Variants in AKAP9 observed in about 807,000 individuals in gnomAD.
AKAP9 encodes A-kinase anchoring protein 9, also known as A-kinase anchor protein 9.
In AKAP9, 311 loss-of-function variants were observed where a neutral mutation model predicts 488.5. The ratio of observed to expected loss-of-function variants is 0.64; its 90% confidence interval spans 0.58 to 0.70. AKAP9 has a LOEUF of 0.70. Among genes scored for constraint, AKAP9 ranks in the 30% least tolerant of loss-of-function variants. The pLI is 0.00. For missense variants in AKAP9, 4,215 were observed against 4,374.5 expected (o/e 0.96, Z 1.03); for synonymous variants, 1,462 against 1,483.5 (o/e 0.99, Z 0.33).
At chr7:92,032,752 A>G (rs1804490338) in intron 16 of AKAP9, among the ~76,000 whole-genome samples, 1 of 152,174 alleles carries the variant, frequency 6.6e-6, no homozygotes, top group African/African-American at 2.4e-5. Flanking sequence ...GTGAAAAGTG[A>G]AACACTATCA....
rs1216908478 is a variant in AKAP9, at chr7:91,992,884, GGAA to G, written c.412_414del (p.Glu138del). 1.9e-6 allele frequency: 3 copies of G among 1,613,386 alleles called. No homozygotes were observed. The highest frequency in any genetic ancestry group is 2.5e-6 in the Non-Finnish European group (3 of 1,179,528). ...TTCTTTAAAATCTTGGATTGATTTA[GGAA>G]GAAGAATTTGGTGTTGATGATTCTT... On this transcript the variant is annotated inframe_deletion and splice_region_variant, in exon 5 of 50. Coordinates refer to ENST00000356239, the MANE Select transcript of AKAP9 (RefSeq NM_005751.5).
intron 1 of AKAP9, among the ~76,000 whole-genome samples, chr7:91,947,539 A>C (rs1023017618): frequency 2.0e-5 from 3 of 152,034 alleles, no homozygotes; most frequent in African/African-American, 2.4e-5. Context: ...ACAGGGTTTC[A>C]CCATATTGGC....
chr7:91,986,398 T>C (rs1256702407), intron 3 of AKAP9, among the ~76,000 whole-genome samples: 1 of 152,212 alleles, frequency 6.6e-6, no homozygotes, highest in Non-Finnish European at 1.5e-5. Context: ...CTCCATGGGC[T>C]GCACCCACTG....
chr7:92,018,435 C>CAT (rs758248531), intron 12 of AKAP9, among the ~76,000 whole-genome samples: 160 of 141,046 alleles, frequency 1.1e-3, no homozygotes, highest in East Asian at 5.4e-3. Context: ...CACACACACA[C>CAT]ACACACAGAG....
Position 92,107,608 on chromosome 7 carries a change from G to A in AKAP9, c.11546+186G>A, listed in dbSNP as rs7803265. 8,215 of 562,832 alleles carry A rather than the reference G, an allele frequency of 0.015. 351 individuals are homozygous for A. The highest frequency in any genetic ancestry group is 0.11 in the African/African-American group (6,029 of 52,940). 34.9% of individuals were successfully genotyped at this position (562,832 alleles called of 1,614,324 possible). A position where few individuals can be genotyped will look rare whatever the true frequency, so the allele number is the denominator to read the frequency against. Reference sequence around the variant, plus strand: ...TCCCAGCACTTTGGGAGGCTGAGGCGGGCAGATCATGAGGTCAGGAGTTCA... The same window carrying A: ...TCCCAGCACTTTGGGAGGCTGAGGCAGGCAGATCATGAGGTCAGGAGTTCA... On this transcript the variant is annotated intron_variant, in intron 48 of 49. Coordinates refer to ENST00000356239, the MANE Select transcript of AKAP9 (RefSeq NM_005751.5).
chr7:91,995,919 T>G lies in AKAP9; in HGVS notation c.930+119T>G, dbSNP rs1798347559. ...CACAAAATTTCATAATTAAGCTCTT[T>G]GTGTAATTTATTTCAAAAGCAAATG... is the stretch of plus-strand genomic sequence containing the variant. On this transcript the variant is annotated intron_variant, in intron 7 of 49. Transcript: ENST00000356239. 1.8e-5 allele frequency: 13 copies of G among 734,948 alleles called. 1 individual carries two copies. In the South Asian group the frequency reaches 2.1e-4, roughly 12 times the overall value. 45.5% of individuals were successfully genotyped at this position (734,948 alleles called of 1,614,324 possible). A position where few individuals can be genotyped will look rare whatever the true frequency, so the allele number is the denominator to read the frequency against.
At chr7:92,004,358 G>A (rs984346652) in intron 8 of AKAP9, among the ~76,000 whole-genome samples, 8 of 152,154 alleles carry the variant, frequency 5.3e-5, no homozygotes, top group Non-Finnish European at 1.0e-4. Context: ...TTTCTGTGAA[G>A]AAAGTCATTC....
At chr7:92,055,496 A>T (rs927839717) in intron 22 of AKAP9, among the ~76,000 whole-genome samples, 1 of 152,080 alleles carries the variant, frequency 6.6e-6, no homozygotes, top group African/African-American at 2.4e-5. Context: ...GAAATAATTT[A>T]TGAAGAAAGG....
intron 11 of AKAP9, 35 bp downstream of exon 11, chr7:92,016,302 T>TAAGAGGATTA: frequency 7.2e-7 from 1 of 1,380,634 alleles, no homozygotes; most frequent in Non-Finnish European, 1.0e-6. Flanking sequence ...AAACAGTATT[T>TAAGAGGATTA]AATCCTCTTA....
At position 92,077,067 on chromosome 7, in the gene AKAP9, T is replaced by TTTAGTA. The variant is rs200199046; in HGVS notation, c.6765+63_6765+64insGTATTA. On this transcript the variant is annotated intron_variant, in intron 29 of 49. Transcript: ENST00000356239. ...AGTCATAGTTTCAGTCCTATATTGC[T>TTTAGTA]TTATTATTATTATTATTATTATTTC... 3.4e-5 allele frequency: 16 copies of TTTAGTA among 472,014 alleles called. No homozygotes were observed. The Admixed American group carries it at 6.9e-4, about 20-fold the overall frequency. The allele number at this position is 472,014 out of a possible 1,614,324, so 29.2% of individuals were successfully genotyped here.
At chr7:92,045,400 A>G (rs746297898) in intron 21 of AKAP9, among the ~76,000 whole-genome samples, 187 bp downstream of exon 21, 4 of 152,234 alleles carry the variant, frequency 2.6e-5, no homozygotes, top group Non-Finnish European at 5.9e-5. Flanking sequence ...AGTGGGTATC[A>G]TAGAGTTGTC....
chr7:92,054,033 A>C (rs1808384324), intron 22 of AKAP9, among the ~76,000 whole-genome samples: 1 of 152,198 alleles, frequency 6.6e-6, no homozygotes, highest in Non-Finnish European at 1.5e-5. Flanking sequence ...CATTAGGTAT[A>C]AAAAGTTATA....
At chr7:91,960,852 A>G (rs944493092) in intron 1 of AKAP9, among the ~76,000 whole-genome samples, 6 of 152,208 alleles carry the variant, frequency 3.9e-5, no homozygotes, top group Non-Finnish European at 7.4e-5. Context: ...AAAACTCTAC[A>G]ACCACATCTC....
At chr7:91,982,084 A>C (rs1796487464) in intron 3 of AKAP9, among the ~76,000 whole-genome samples, 1 of 152,182 alleles carries the variant, frequency 6.6e-6, no homozygotes, top group Admixed American at 6.5e-5. Flanking sequence ...ATTTGGTTAC[A>C]ATTTGTATAG....
At chr7:92,057,856 G>A (rs1250709409) in intron 22 of AKAP9, 1 of 229,148 alleles carries the variant, frequency 4.4e-6, no homozygotes. Context: ...TAGTTTAAAA[G>A]GTGTTTTTGT....
chr7:92,072,806 CCTAT>C lies in AKAP9; in HGVS notation c.6612+1801_6612+1804del, dbSNP rs764823433. ...ATAAATAATAATAGTTTTGTTGAGG[CCTAT>C]CTAATTAGACAGTACTAAGTATTTA... On this transcript the variant is annotated intron_variant, in intron 28 of 49. Coordinates refer to ENST00000356239, the MANE Select transcript of AKAP9 (RefSeq NM_005751.5). 1.1e-4 allele frequency among the ~76,000 whole-genome samples: 17 copies of C among 152,250 alleles called. No individual in the cohort carries two copies. In the South Asian group the frequency reaches 1.2e-3, roughly 11 times the overall value.
At chr7:91,971,982 C>CTTTTTTTTTTTTT (rs71107846) in intron 1 of AKAP9, among the ~76,000 whole-genome samples, 2 of 91,890 alleles carry the variant, frequency 2.2e-5, no homozygotes, top group Admixed American at 1.3e-4. Context: ...TTTTGCCTCT[C>CTTTTTTTTTTTTT]TTTTTTTTTT....
intron 19 of AKAP9, 60 bp from the exon 20 acceptor site, chr7:92,042,608 T>C: frequency 8.2e-7 from 1 of 1,221,436 alleles, no homozygotes; most frequent in East Asian, 2.4e-5. Context: ...ACATGCTGTT[T>C]CCAAGTTGAC....
At chr7:92,087,388 C>T (rs2130879580) in intron 37 of AKAP9, among the ~76,000 whole-genome samples, 1 of 152,086 alleles carries the variant, frequency 6.6e-6, no homozygotes, top group African/African-American at 2.4e-5. Flanking sequence ...AAAGATATAC[C>T]TGAGATATAA....
Sources: allele counts gnomAD v4.1 joint callset (sites outside exome capture counted in the v4.1 genomes callset), GRCh38; gene constraint gnomAD v4.1.1; transcripts MANE v1.5; gene names NCBI Gene and HGNC (gene_info 2026-07-23, HGNC 2026-07-21).